ZNF385D: variants seen among roughly 807,000 people sequenced by gnomAD.
The protein encoded by ZNF385D is zinc finger protein 659.
In ZNF385D, 15 loss-of-function variants were observed where a neutral mutation model predicts 35.8. That is an observed-to-expected ratio of 0.42 (90% CI 0.28 to 0.64). The LOEUF (loss-of-function observed/expected upper bound fraction) is 0.64, where lower values mean the gene tolerates loss of function less well. ZNF385D is among the 30% of genes least tolerant of loss of function. The pLI is 0.23. For missense variants in ZNF385D, 474 were observed against 494.6 expected (o/e 0.96, Z 0.39); for synonymous variants, 212 against 186.8 (o/e 1.13, Z -1.10).
intron 3 of ZNF385D, among the ~76,000 whole-genome samples, chr3:21,988,770 C>T (rs1448489706): frequency 3.3e-5 from 5 of 151,832 alleles, no homozygotes; most frequent in African/African-American, 7.2e-5. Flanking sequence ...CCCCCAGCCT[C>T]GCTGCCGCTT....
At chr3:22,269,442 G>T (rs1461202874) in intron 2 of ZNF385D, among the ~76,000 whole-genome samples, 4 of 151,900 alleles carry the variant, frequency 2.6e-5, no homozygotes, top group African/African-American at 9.7e-5. Context: ...GGTGTTGAGG[G>T]TAAGGATAAA....
intron 3 of ZNF385D, among the ~76,000 whole-genome samples, chr3:21,815,043 A>C (rs888088006): frequency 3.3e-5 from 5 of 152,194 alleles, no homozygotes; most frequent in African/African-American, 1.2e-4. Context: ...TCAAAACTGC[A>C]CAACTACATG....
chr3:21,968,397 T>G lies in ZNF385D; in HGVS notation c.325+200420A>C, dbSNP rs111729580. Among the ~76,000 whole-genome samples the G allele has an allele frequency of 3.9e-5, 6 of 152,214 alleles. 1 individual carries two copies. Among genetic ancestry groups the G allele is most frequent in the African/African-American group, 1.4e-4 (6 of 41,540 alleles). ...TGTGCTGTGTTCAGAGCCAGTGGAC[T>G]TGAGGTACACATGACCTAGTGAGAC... On this transcript the variant is annotated intron_variant, in intron 3 of 5. Transcript: ENST00000494108.
chr3:22,136,295 C>T (rs1026215569), intron 3 of ZNF385D, among the ~76,000 whole-genome samples: 2 of 151,770 alleles, frequency 1.3e-5, no homozygotes, highest in African/African-American at 2.4e-5. Flanking sequence ...GGCTGAGGTA[C>T]GAGAATCGCT....
intron 3 of ZNF385D, among the ~76,000 whole-genome samples, chr3:21,942,861 T>C (rs532627732): frequency 3.5e-4 from 54 of 152,238 alleles, no homozygotes; most frequent in African/African-American, 1.2e-3. Context: ...CTGTAACATA[T>C]CTAAAAAACA....
intron 3 of ZNF385D, among the ~76,000 whole-genome samples, chr3:21,986,906 C>T (rs1694834306): frequency 2.5e-5 from 1 of 40,430 alleles, no homozygotes; most frequent in Non-Finnish European, 4.6e-5. Context: ...TGAATTGATC[C>T]CTTTACCATT....
chr3:21,629,232 T>G (rs900889562), intron 2 of ZNF385D, among the ~76,000 whole-genome samples: 2 of 152,092 alleles, frequency 1.3e-5, no homozygotes, highest in Non-Finnish European at 2.9e-5. Flanking sequence ...ATTTGCTTTG[T>G]GCAGGAGAGA....
At position 22,159,694 on chromosome 3, in the gene ZNF385D, G is replaced by C. The variant is rs138230084; in HGVS notation, c.325+9123C>G. ...AACATGATCCAAATTTGAACACAGT[G>C]AAATTAGCATTTTTCACTTTCTTCT... On this transcript the variant is annotated intron_variant, in intron 3 of 5. Transcript: ENST00000494108. 1.9e-3 allele frequency among the ~76,000 whole-genome samples: 291 copies of C among 152,196 alleles called. 14 individuals carry two copies. In the East Asian group the frequency reaches 0.052, roughly 27 times the overall value.
intron 1 of ZNF385D, among the ~76,000 whole-genome samples, chr3:21,750,609 A>T (rs2070023284): frequency 6.6e-6 from 1 of 152,152 alleles, no homozygotes; most frequent in Non-Finnish European, 1.5e-5. Flanking sequence ...TAGCTAAAAG[A>T]GCCAACTTCA....
chr3:22,227,882 G>A (rs6770393), intron 2 of ZNF385D, among the ~76,000 whole-genome samples: 70,276 of 152,074 alleles, frequency 0.46, 19,283 homozygotes, highest in African/African-American at 0.78. Context: ...CATACTGCCT[G>A]TGAGGTAGCT....
In ZNF385D at chr3:21,643,771, G is replaced by A. The variant is rs963744431; in HGVS notation, c.165+21115C>T. On this transcript the variant is annotated intron_variant, in intron 2 of 7. Transcript: ENST00000281523. ...TGAGGTGATCCGCCGAGACCCTGTG[G>A]TTTAGAACTGTGGTGTCCAATGCTA... Among the ~76,000 whole-genome samples, 9 of 152,126 alleles carry A rather than the reference G, an allele frequency of 5.9e-5. No homozygotes were observed. The East Asian group carries it at 1.4e-3, about 23-fold the overall frequency.
intron 2 of ZNF385D, among the ~76,000 whole-genome samples, chr3:21,572,312 G>A (rs2063359103): frequency 6.6e-6 from 1 of 152,122 alleles, no homozygotes; most frequent in African/African-American, 2.4e-5. Context: ...ACAGTTGTAA[G>A]CATAATATGG....
At chr3:21,600,688 C>CAG (rs772216793) in intron 2 of ZNF385D, among the ~76,000 whole-genome samples, 2 of 151,466 alleles carry the variant, frequency 1.3e-5, no homozygotes, top group Non-Finnish European at 2.9e-5. Context: ...AAAAAACACA[C>CAG]AGAGAGAGAG....
chr3:21,449,257 T>C (rs984420582), intron 4 of ZNF385D, among the ~76,000 whole-genome samples: 1 of 149,846 alleles, frequency 6.7e-6, no homozygotes, highest in Non-Finnish European at 1.5e-5. Context: ...TCCTGTAAAA[T>C]GCTCAGTATT....
At chr3:21,831,725 A>G (rs1695002733) in intron 3 of ZNF385D, among the ~76,000 whole-genome samples, 1 of 152,182 alleles carries the variant, frequency 6.6e-6, no homozygotes, top group South Asian at 2.1e-4. Context: ...GGATATAAAC[A>G]TTCATAGCAC....
intron 2 of ZNF385D, among the ~76,000 whole-genome samples, chr3:21,594,660 C>G (rs189961873): frequency 5.3e-5 from 8 of 152,140 alleles, no homozygotes; most frequent in African/African-American, 9.7e-5. Flanking sequence ...GCTTGGTGAT[C>G]AGTCTGATGT....
At chr3:21,816,713 T>C (rs1575706140) in intron 3 of ZNF385D, among the ~76,000 whole-genome samples, 2 of 152,302 alleles carry the variant, frequency 1.3e-5, no homozygotes, top group Admixed American at 1.3e-4. Context: ...GAACATTCCA[T>C]GCTCATAGAT....
At chr3:21,540,149 A>C (rs139238074) in intron 3 of ZNF385D, among the ~76,000 whole-genome samples, 2 of 152,354 alleles carry the variant, frequency 1.3e-5, no homozygotes, top group East Asian at 1.9e-4. Flanking sequence ...GAGAAAGCTT[A>C]CTATGATAAT....
intron 1 of ZNF385D, among the ~76,000 whole-genome samples, chr3:21,677,845 T>G (rs768983691): frequency 2.0e-5 from 3 of 151,998 alleles, no homozygotes; most frequent in Non-Finnish European, 2.9e-5. Context: ...ATCTATGAAA[T>G]TAAGTACTCT....
Sources: allele counts gnomAD v4.1 joint callset (sites outside exome capture counted in the v4.1 genomes callset), GRCh38; gene constraint gnomAD v4.1.1; transcripts MANE v1.5; gene names NCBI Gene and HGNC (gene_info 2026-07-23, HGNC 2026-07-21).